ATP13A4: variants seen among roughly 807,000 people sequenced by gnomAD.
ATP13A4 encodes the protein probable cation-transporting ATPase 13A4.
ATP13A4 carries 114 observed loss-of-function variants against 142.5 expected under a neutral mutation model. That is an observed-to-expected ratio of 0.80 (90% CI 0.69 to 0.93). ATP13A4 has a LOEUF of 0.93. ATP13A4 is among the 40% of genes least tolerant of loss of function. The pLI, the probability that ATP13A4 is intolerant of heterozygous loss-of-function variation, is 0.00. For missense variants in ATP13A4, 1,392 were observed against 1,454.0 expected (o/e 0.96, Z 0.69); for synonymous variants, 488 against 514.8 (o/e 0.95, Z 0.70).
intron 25 of ATP13A4, among the ~76,000 whole-genome samples, chr3:193,417,333 T>G (rs1022104566): frequency 1.3e-5 from 2 of 152,262 alleles, no homozygotes; most frequent in East Asian, 3.8e-4. Flanking sequence ...ATATAAATGC[T>G]GATATTTGTG....
intron 1 of ATP13A4, among the ~76,000 whole-genome samples, chr3:193,524,761 T>A (rs945868896): frequency 6.6e-6 from 1 of 152,184 alleles, no homozygotes; most frequent in South Asian, 2.1e-4. Flanking sequence ...AATGGGATAA[T>A]AGTTGTAAAA....
chr3:193,582,230 C>T (rs1042266011), intron 1 of ATP13A4, among the ~76,000 whole-genome samples: 1 of 148,158 alleles, frequency 6.7e-6, no homozygotes, highest in African/African-American at 2.5e-5. Context: ...CTCACTGCAA[C>T]CTCCCCCTCC....
At chr3:193,578,596 C>T (rs527954247) in intron 2 of ATP13A4, among the ~76,000 whole-genome samples, 17 of 152,058 alleles carry the variant, frequency 1.1e-4, no homozygotes, top group Non-Finnish European at 2.1e-4. Flanking sequence ...CTGAAAGAGA[C>T]GGGTTTTTGA....
chr3:193,470,382 G>A (rs1718548366), intron 9 of ATP13A4, among the ~76,000 whole-genome samples: 1 of 152,158 alleles, frequency 6.6e-6, no homozygotes, highest in Admixed American at 6.5e-5. Flanking sequence ...TTTACCAAAT[G>A]CTGCATCATG....
chr3:193,569,918 G>A (rs1223693648), intron 2 of ATP13A4, among the ~76,000 whole-genome samples: 1 of 152,160 alleles, frequency 6.6e-6, no homozygotes, highest in Admixed American at 6.5e-5. Flanking sequence ...GGGTATATGA[G>A]AACTCTCTAT....
At chr3:193,547,035 T>C (rs1390415532) in intron 1 of ATP13A4, among the ~76,000 whole-genome samples, 1 of 152,236 alleles carries the variant, frequency 6.6e-6, no homozygotes. Flanking sequence ...CTTTCCTCAC[T>C]GGACAAGCTA....
rs1205005198 is a variant in ATP13A4, at chr3:193,405,818, G to T, written c.3378+1495C>A. ...GATACTACTACAGCTGTGCTGTAGA[G>T]GATGGAATAGCACTTTAATATGCGG... On this transcript the variant is annotated intron_variant, in intron 29 of 29. Coordinates refer to ENST00000342695, the MANE Select transcript of ATP13A4 (RefSeq NM_032279.4). 3.3e-5 allele frequency among the ~76,000 whole-genome samples: 5 copies of T among 152,260 alleles called. No homozygotes were observed. The East Asian group carries it at 9.7e-4, about 29-fold the overall frequency.
chr3:193,543,890 A>T (rs1015027894), intron 1 of ATP13A4, among the ~76,000 whole-genome samples: 2 of 152,242 alleles, frequency 1.3e-5, no homozygotes, highest in African/African-American at 4.8e-5. Flanking sequence ...TAACAAATTT[A>T]TAAAGTCCAA....
chr3:193,557,187 G>A (rs1332660197), upstream of ATP13A4, among the ~76,000 whole-genome samples: 1 of 152,178 alleles, frequency 6.6e-6, no homozygotes, highest in Non-Finnish European at 1.5e-5. Context: ...AGGAAAATAT[G>A]TAAGTCCTTA....
chr3:193,541,378 C>CA (rs1005930679), intron 1 of ATP13A4, among the ~76,000 whole-genome samples: 5 of 115,882 alleles, frequency 4.3e-5, no homozygotes, highest in Admixed American at 8.2e-5. Flanking sequence ...TTATCGATCA[C>CA]AGATTATCTA....
At chr3:193,562,553 C>G (rs1431294600) in intron 2 of ATP13A4, among the ~76,000 whole-genome samples, 1 of 152,142 alleles carries the variant, frequency 6.6e-6, no homozygotes, top group Non-Finnish European at 1.5e-5. Flanking sequence ...GCCCTAGATA[C>G]AGTGAAACCA....
intron 3 of ATP13A4, among the ~76,000 whole-genome samples, chr3:193,502,074 T>C (rs573231875): frequency 6.6e-6 from 1 of 152,130 alleles, no homozygotes; most frequent in African/African-American, 2.4e-5. Flanking sequence ...CTGTAGTGTA[T>C]TATAATCATG....
intron 1 of ATP13A4, among the ~76,000 whole-genome samples, chr3:193,592,098 T>C (rs1724821767): frequency 7.4e-6 from 1 of 135,210 alleles, no homozygotes; most frequent in African/African-American, 2.7e-5. Context: ...GGAAAAGGAA[T>C]TGTCTTTATG....
chr3:193,437,833 T>TC (rs940462358), intron 23 of ATP13A4, among the ~76,000 whole-genome samples: 1 of 144,608 alleles, frequency 6.9e-6, no homozygotes, highest in Non-Finnish European at 1.5e-5. Flanking sequence ...AGATTTTTTT[T>TC]TTTTTTTTTT....
intron 1 of ATP13A4, among the ~76,000 whole-genome samples, chr3:193,521,025 G>A (rs958799506): frequency 3.3e-5 from 5 of 152,182 alleles, no homozygotes; most frequent in African/African-American, 1.2e-4. Flanking sequence ...TGGCCCAGAT[G>A]TCAGGCTCAA....
chr3:193,485,496 C>T (rs1295447241), intron 7 of ATP13A4, among the ~76,000 whole-genome samples: 1 of 152,126 alleles, frequency 6.6e-6, no homozygotes, highest in Non-Finnish European at 1.5e-5. Context: ...TGGAGACGTC[C>T]AGAGGCTGAG....
intron 2 of ATP13A4, among the ~76,000 whole-genome samples, chr3:193,577,688 C>A (rs745872535): frequency 1.3e-5 from 2 of 152,198 alleles, no homozygotes; most frequent in Non-Finnish European, 2.9e-5. Context: ...ACCTGTAGTC[C>A]TGAGGCACCA....
chr3:193,452,567 A>AT (rs751029977), intron 17 of ATP13A4, among the ~76,000 whole-genome samples: 10,523 of 120,698 alleles, frequency 0.087, 749 homozygotes, highest in African/African-American at 0.19. Flanking sequence ...ACATTGTGGA[A>AT]TTTTTTTTTT....
chr3:193,399,390 T>A lies in ATP13A4; in HGVS notation c.*3262A>T, dbSNP rs1197256479. Reference sequence around the variant, plus strand: ...GCTTCAATCTGACAATCAGGACCCCTACTCTGCCCCTCTTTCCTAGGATCT... The same window carrying A: ...GCTTCAATCTGACAATCAGGACCCCAACTCTGCCCCTCTTTCCTAGGATCT... On this transcript the variant is annotated 3_prime_UTR_variant, in exon 30 of 30. Coordinates refer to ENST00000342695, the MANE Select transcript of ATP13A4 (RefSeq NM_032279.4). Among the ~76,000 whole-genome samples, 1 of 152,190 alleles carries A rather than the reference T, an allele frequency of 6.6e-6. No individual in the cohort carries two copies. The highest frequency in any genetic ancestry group is 2.4e-5 in the African/African-American group (1 of 41,440).
Sources: gnomAD v4.1 joint callset for allele counts (sites outside exome capture counted in the v4.1 genomes callset) on GRCh38, gnomAD v4.1.1 for gene constraint, MANE v1.5 for transcripts, NCBI Gene and HGNC (gene_info 2026-07-23, HGNC 2026-07-21) for gene names.